DAB1: variants seen among roughly 807,000 people sequenced by gnomAD.
DAB1 encodes DAB adaptor protein 1.
A neutral mutation model predicts 64.6 loss-of-function variants in DAB1; 15 were observed. That is an observed-to-expected ratio of 0.23 (90% CI 0.16 to 0.36). The LOEUF (loss-of-function observed/expected upper bound fraction) is 0.36. Ranked by LOEUF, DAB1 falls within the 10% of genes least tolerant of loss-of-function variation. The pLI, the probability that DAB1 is intolerant of heterozygous loss-of-function variation, is 1.00. For missense variants in DAB1, 596 were observed against 706.7 expected (o/e 0.84, Z 1.78); for synonymous variants, 235 against 251.9 (o/e 0.93, Z 0.64).
At chr1:58,004,287 G>A (rs1294450525) in intron 5 of DAB1, among the ~76,000 whole-genome samples, 1 of 152,194 alleles carries the variant, frequency 6.6e-6, no homozygotes, top group African/African-American at 2.4e-5. Flanking sequence ...TTGAGGCTAA[G>A]TGCCCTGGCT....
intron 5 of DAB1, among the ~76,000 whole-genome samples, chr1:58,073,774 A>G (rs2100576611): frequency 6.6e-6 from 1 of 152,292 alleles, no homozygotes; most frequent in South Asian, 2.1e-4. Context: ...CTTCAGCACA[A>G]TCCTTTACAC....
Position 57,229,516 on chromosome 1 carries a change from GA to G in DAB1, c.67+61447del, listed in dbSNP as rs564897487. On this transcript the variant is annotated intron_variant, in intron 2 of 14. Coordinates refer to ENST00000371236, the MANE Select transcript of DAB1 (RefSeq NM_001365792.1). Reference sequence around the variant, plus strand: ...GGCCTATAATATTTTACTTATTAAAGAAAAAAAAAATCTGAAGCAAATAAGG... The same window carrying G: ...GGCCTATAATATTTTACTTATTAAAGAAAAAAAAATCTGAAGCAAATAAGG... Among the ~76,000 whole-genome samples the G allele has an allele frequency of 7.4e-4, 110 of 147,932 alleles. 1 individual carries two copies. The South Asian group carries it at 0.015, about 20-fold the overall frequency.
chr1:57,974,290 A>C (rs2764695), intron 5 of DAB1, among the ~76,000 whole-genome samples: 68,685 of 151,850 alleles, frequency 0.45, 16,362 homozygotes, highest in East Asian at 0.9. Context: ...TTGTTTAACA[A>C]TGAGTGCCAT....
chr1:57,757,016 T>C (rs1008900694), intron 6 of DAB1, among the ~76,000 whole-genome samples: 3 of 152,080 alleles, frequency 2.0e-5, no homozygotes, highest in African/African-American at 7.2e-5. Flanking sequence ...AGAAGGTCAT[T>C]AATATTTGTT....
intron 3 of DAB1, among the ~76,000 whole-genome samples, chr1:57,143,342 C>A (rs1474464868): frequency 2.0e-5 from 3 of 152,134 alleles, no homozygotes; most frequent in Non-Finnish European, 4.4e-5. Context: ...GTTTGGAATT[C>A]TTCCTGTCCA....
chr1:57,353,100 TA>T (rs1482459224), intron 1 of DAB1, among the ~76,000 whole-genome samples: 5 of 132,164 alleles, frequency 3.8e-5, no homozygotes, highest in African/African-American at 1.2e-4. Flanking sequence ...TCCATATATA[TA>T]TATTTTTTTC....
chr1:57,508,482 C>T (rs1644371806), intron 7 of DAB1, among the ~76,000 whole-genome samples: 1 of 152,220 alleles, frequency 6.6e-6, no homozygotes, highest in South Asian at 2.1e-4. Flanking sequence ...AATAGCAGCA[C>T]CTTCTTCCTT....
chr1:57,168,714 C>T (rs924349106), intron 2 of DAB1, among the ~76,000 whole-genome samples: 1 of 152,140 alleles, frequency 6.6e-6, no homozygotes, highest in African/African-American at 2.4e-5. Context: ...TCAGGCTTTA[C>T]CAAATGCCCC....
Position 57,545,231 on chromosome 1 carries a change from A to G in DAB1, n.625+104361T>C, listed in dbSNP as rs145382270. On this transcript the variant is annotated intron_variant and non_coding_transcript_variant, in intron 7 of 20. Transcript: ENST00000485760. ...ATTGGAAGGCCTTCCCTGACTACCC[A>G]ATCTAATACAGATCACTGACCCAAG... 3.9e-3 allele frequency among the ~76,000 whole-genome samples: 588 copies of G among 152,236 alleles called. 3 individuals carry two copies. The highest frequency in any genetic ancestry group is 5.3e-3 in the Non-Finnish European group (362 of 68,010).
At chr1:57,629,787 G>A (rs1645965623) in intron 7 of DAB1, among the ~76,000 whole-genome samples, 1 of 150,120 alleles carries the variant, frequency 6.7e-6, no homozygotes, top group African/African-American at 2.4e-5. Flanking sequence ...GCCAGAAGGA[G>A]GCCTTCTAGA....
chr1:58,202,529 G>A (rs1013480215), intron 4 of DAB1, among the ~76,000 whole-genome samples: 1 of 152,208 alleles, frequency 6.6e-6, no homozygotes, highest in Admixed American at 6.5e-5. Flanking sequence ...CACAGCAGAA[G>A]TGATGCTACA....
intron 3 of DAB1, among the ~76,000 whole-genome samples, chr1:58,360,110 T>C (rs1247544445): frequency 2.0e-5 from 3 of 152,074 alleles, no homozygotes; most frequent in Non-Finnish European, 4.4e-5. Flanking sequence ...CTTGAAAAGG[T>C]TGTGTTCTAG....
chr1:58,220,582 G>A (rs567538600), intron 4 of DAB1, among the ~76,000 whole-genome samples: 58 of 152,042 alleles, frequency 3.8e-4, no homozygotes, highest in Non-Finnish European at 2.6e-4. Flanking sequence ...TATAGAGCCC[G>A]CCACATAACA....
intron 3 of DAB1, among the ~76,000 whole-genome samples, chr1:58,357,235 G>A (rs1569679267): frequency 6.6e-6 from 1 of 152,196 alleles, no homozygotes; most frequent in African/African-American, 2.4e-5. Context: ...CTTGGGCTAG[G>A]TCTCTAGCAG....
At chr1:58,336,310 T>C (rs1339010896) in intron 4 of DAB1, among the ~76,000 whole-genome samples, 1 of 152,218 alleles carries the variant, frequency 6.6e-6, no homozygotes, top group South Asian at 2.1e-4. Context: ...TTGAAGGTTT[T>C]CTGGGTTCTG....
chr1:57,367,119 A>G (rs1018325704), intron 1 of DAB1, among the ~76,000 whole-genome samples: 1 of 141,744 alleles, frequency 7.1e-6, no homozygotes, highest in African/African-American at 2.6e-5. Context: ...AAAATAAAAT[A>G]AATAAATTAG....
chr1:57,328,793 T>A (rs1325958429), intron 1 of DAB1, among the ~76,000 whole-genome samples: 1 of 152,184 alleles, frequency 6.6e-6, no homozygotes, highest in East Asian at 1.9e-4. Flanking sequence ...GGCAAAAAAC[T>A]TTTGAGTTTG....
chr1:58,387,252 G>A (rs547668626), intron 3 of DAB1, among the ~76,000 whole-genome samples: 35 of 152,252 alleles, frequency 2.3e-4, no homozygotes, highest in South Asian at 6.2e-4. Flanking sequence ...CTCTCTGAAG[G>A]TTCACTGAAA....
At chr1:58,524,663 G>C (rs1391497796) in intron 2 of DAB1, among the ~76,000 whole-genome samples, 1 of 152,088 alleles carries the variant, frequency 6.6e-6, no homozygotes, top group East Asian at 1.9e-4. Flanking sequence ...TGAAATGGCA[G>C]GCAACCACAG....
Sources: allele counts gnomAD v4.1 joint callset (sites outside exome capture counted in the v4.1 genomes callset), GRCh38; gene constraint gnomAD v4.1.1; transcripts MANE v1.5; gene names NCBI Gene and HGNC (gene_info 2026-07-23, HGNC 2026-07-21).